AKT3: variants seen among roughly 807,000 people sequenced by gnomAD.
The protein encoded by AKT3 is RAC-gamma serine/threonine-protein kinase.
A neutral mutation model predicts 65.3 loss-of-function variants in AKT3; 15 were observed. The ratio of observed to expected loss-of-function variants is 0.23; its 90% CI spans 0.15 to 0.35. The LOEUF is 0.35. Among genes scored for constraint, AKT3 ranks in the 10% least tolerant of loss-of-function variants. The pLI, the probability that AKT3 is intolerant of heterozygous loss-of-function variation, is 1.00. For synonymous variants in AKT3, 206 were observed against 183.8 expected (o/e 1.12, Z -0.98); for missense variants, 243 against 576.5 (o/e 0.42, Z 5.92).
chr1:243,672,102 T>C (rs1419432317), intron 3 of AKT3, among the ~76,000 whole-genome samples: 2 of 152,170 alleles, frequency 1.3e-5, no homozygotes, highest in African/African-American at 2.4e-5. Flanking sequence ...AGGGCTCCAA[T>C]GTGTTTGCCT....
In AKT3 at chr1:243,712,549, A is replaced by AT. The variant is rs1364941577; in HGVS notation, c.47-16834dup. ...AAGCACTTTTTAATTCTCCACACAT[A>AT]TTTTTTTTTGAAATGTTAAGTCCAC... On this transcript the variant is annotated intron_variant, in intron 2 of 13. Coordinates refer to ENST00000673466, the MANE Select transcript of AKT3 (RefSeq NM_005465.7). Among the ~76,000 whole-genome samples the AT allele has an allele frequency of 4.6e-5, 7 of 151,206 alleles. No individual in the cohort carries two copies. In the South Asian group the frequency reaches 6.3e-4, roughly 14 times the overall value.
chr1:243,645,829 A>T, intron 5 of AKT3, 64 bp downstream of exon 5: 2 of 1,429,040 alleles, frequency 1.4e-6, no homozygotes, highest in Non-Finnish European at 1.9e-6. Context: ...TGCAAATGGT[A>T]GCTTTTAATA....
intron 7 of AKT3, 38 bp from the exon 8 acceptor site, chr1:243,613,777 C>T (rs1049049661): frequency 7.5e-7 from 1 of 1,327,334 alleles, no homozygotes. Context: ...ACATTATAAT[C>T]CTGTATTCTT....
chr1:243,846,491 G>A (rs1185439522), intron 1 of AKT3, among the ~76,000 whole-genome samples: 1 of 151,912 alleles, frequency 6.6e-6, no homozygotes, highest in Non-Finnish European at 1.5e-5. Context: ...AAAAGAAACA[G>A]AACTAAAAAA....
chr1:243,559,303 C>T (rs1673612620), intron 10 of AKT3, among the ~76,000 whole-genome samples: 1 of 152,098 alleles, frequency 6.6e-6, no homozygotes, highest in African/African-American at 2.4e-5. Flanking sequence ...AACTGAACCG[C>T]TGTAACCTGT....
chr1:243,492,034 GC>G (rs1553382132), intron 13 of AKT3, among the ~76,000 whole-genome samples: 1 of 152,132 alleles, frequency 6.6e-6, no homozygotes, highest in Non-Finnish European at 1.5e-5. Flanking sequence ...GAGCCCCGCT[GC>G]CCCTGGTGGT....
At chr1:243,636,369 C>T (rs28484641) in intron 6 of AKT3, among the ~76,000 whole-genome samples, 6,779 of 151,980 alleles carry the variant, frequency 0.045, 324 homozygotes, top group African/African-American at 0.12. Context: ...TAGCCCCACT[C>T]TGTAGATAAG....
chr1:243,546,015 C>T (rs1672647131), intron 11 of AKT3, among the ~76,000 whole-genome samples: 1 of 152,202 alleles, frequency 6.6e-6, no homozygotes, highest in Non-Finnish European at 1.5e-5. Flanking sequence ...TGAACTGTAG[C>T]TCCCATAATC....
chr1:243,588,700 T>C (rs320323), intron 8 of AKT3, among the ~76,000 whole-genome samples: 26,682 of 152,058 alleles, frequency 0.18, 2,541 homozygotes, highest in South Asian at 0.3. Flanking sequence ...CAAAAGAATG[T>C]AATGGAGTCT....
At chr1:243,727,593 T>A (rs1458015845) in intron 2 of AKT3, among the ~76,000 whole-genome samples, 1 of 152,100 alleles carries the variant, frequency 6.6e-6, no homozygotes, top group African/African-American at 2.4e-5. Flanking sequence ...AAAAGTTTAT[T>A]ATTATAAGGA....
chr1:243,654,816 A>G (rs1681639318), intron 4 of AKT3, among the ~76,000 whole-genome samples: 1 of 152,092 alleles, frequency 6.6e-6, no homozygotes, highest in Admixed American at 6.6e-5. Context: ...TTTGGTCTAC[A>G]TGCTGCTGCT....
At chr1:243,556,937 A>T (rs1673448803) in intron 10 of AKT3, among the ~76,000 whole-genome samples, 1 of 152,172 alleles carries the variant, frequency 6.6e-6, no homozygotes, top group African/African-American at 2.4e-5. Flanking sequence ...TATATATTTT[A>T]TAACTATTTC....
chr1:243,758,144 G>C (rs1027957176), intron 2 of AKT3, among the ~76,000 whole-genome samples: 8 of 152,320 alleles, frequency 5.3e-5, no homozygotes, highest in African/African-American at 1.9e-4. Flanking sequence ...AATATTAAGT[G>C]CCAGACTCTC....
intron 11 of AKT3, among the ~76,000 whole-genome samples, chr1:243,546,111 A>T (rs1672655720): frequency 6.6e-6 from 1 of 152,122 alleles, no homozygotes; most frequent in South Asian, 2.1e-4. Flanking sequence ...ATAGTCAATA[A>T]GTCTCATGAG....
At chr1:243,772,010 A>C (rs1036556246) in intron 2 of AKT3, among the ~76,000 whole-genome samples, 4 of 152,208 alleles carry the variant, frequency 2.6e-5, no homozygotes, top group East Asian at 1.9e-4. Flanking sequence ...AACTGGATCC[A>C]TTCCTTACAA....
At chr1:243,651,069 T>G (rs1681278601) in intron 4 of AKT3, among the ~76,000 whole-genome samples, 1 of 152,206 alleles carries the variant, frequency 6.6e-6, no homozygotes, top group Non-Finnish European at 1.5e-5. Context: ...TGTGTCCTCT[T>G]ATTTCCTTGA....
At chr1:243,649,365 GGTGT>G (rs371927740) in intron 4 of AKT3, among the ~76,000 whole-genome samples, 3 of 135,900 alleles carry the variant, frequency 2.2e-5, no homozygotes, top group African/African-American at 5.5e-5. Flanking sequence ...GTGTATGTTG[GGTGT>G]GTGTGTGTGT....
At chr1:243,672,324 A>C (rs142827769) in intron 3 of AKT3, among the ~76,000 whole-genome samples, 5 of 152,208 alleles carry the variant, frequency 3.3e-5, no homozygotes, top group Non-Finnish European at 7.3e-5. Context: ...TCCAATACCA[A>C]TGAAGTTAAT....
At chr1:243,489,261 G>C in intron 13 of AKT3, 1 of 1,348,220 alleles carries the variant, frequency 7.4e-7, no homozygotes, top group Non-Finnish European at 1.0e-6. Context: ...AAGCTGGGAG[G>C]GAGGTCCCGA....
Sources: gnomAD v4.1 joint callset for allele counts (sites outside exome capture counted in the v4.1 genomes callset) on GRCh38, gnomAD v4.1.1 for gene constraint, MANE v1.5 for transcripts, NCBI Gene and HGNC (gene_info 2026-07-23, HGNC 2026-07-21) for gene names.